Variants in ATXN7 observed in about 807,000 individuals in gnomAD.
ATXN7 encodes the protein ataxin 7, also known as ataxin-7.
Under a neutral mutation model 70.5 loss-of-function variants are expected in ATXN7, and 12 were observed. The ratio of observed to expected loss-of-function variants is 0.17; its 90% CI spans 0.11 to 0.28. ATXN7 has a LOEUF of 0.28. Among genes scored for constraint, ATXN7 ranks in the 10% least tolerant of loss-of-function variants. ATXN7 has a pLI of 1.00. For missense variants in ATXN7, 1,256 were observed against 1,131.7 expected (o/e 1.11, Z -1.58); for synonymous variants, 498 against 448.7 (o/e 1.11, Z -1.39).
At chr3:63,863,583 G>A (rs962932204), upstream of ATXN7, 23 of 1,198,020 alleles carry the variant, frequency 1.9e-5, no homozygotes, top group African/African-American at 1.9e-4. Context: ...TCTGGCGAGA[G>A]GAGGAAGGAC....
At chr3:63,990,638 C>A (rs1575997661) in intron 10 of ATXN7, 100 bp from the exon 11 acceptor site, 1 of 1,566,770 alleles carries the variant, frequency 6.4e-7, no homozygotes, top group East Asian at 2.2e-5. Flanking sequence ...AGAGGCAGTT[C>A]TGTCTTTCCT....
intron 1 of ATXN7, among the ~76,000 whole-genome samples, chr3:63,874,166 A>C (rs527617067): frequency 1.3e-5 from 2 of 152,368 alleles, no homozygotes; most frequent in Non-Finnish European, 2.9e-5. Context: ...AAAGAAAAGC[A>C]TATAGACTCT....
At chr3:63,961,439 A>T (rs1259893808) in intron 5 of ATXN7, among the ~76,000 whole-genome samples, 2 of 152,168 alleles carry the variant, frequency 1.3e-5, no homozygotes, top group Non-Finnish European at 2.9e-5. Context: ...GTATTTTAGC[A>T]TATTGATTCT....
intron 2 of ATXN7, chr3:63,900,464 C>G (rs776005564): frequency 6.6e-6 from 1 of 152,242 alleles, no homozygotes; most frequent in Non-Finnish European, 1.5e-5. Context: ...TTAAAATGTT[C>G]TGGACTAAAG....
At chr3:63,922,700 A>G (rs971482292) in intron 4 of ATXN7, among the ~76,000 whole-genome samples, 1 of 152,148 alleles carries the variant, frequency 6.6e-6, no homozygotes, top group Admixed American at 6.5e-5. Flanking sequence ...CTGCCTGTAG[A>G]GGGAATTTAG....
chr3:63,925,328 A>T (rs547447695), intron 4 of ATXN7, among the ~76,000 whole-genome samples: 2 of 152,188 alleles, frequency 1.3e-5, no homozygotes, highest in South Asian at 4.2e-4. Flanking sequence ...TCGGCTGTGG[A>T]TCAGTACCCG....
In ATXN7 at chr3:63,990,279, C is replaced by T. The variant is rs953115088; in HGVS notation, c.1465C>T (p.Arg489Trp). The T allele has an allele frequency of 8.1e-6, 13 of 1,614,044 alleles. No individual in the cohort carries two copies. Among genetic ancestry groups the T allele is most frequent in the East Asian group, 2.2e-5 (1 of 44,876 alleles). The change falls in exon 10 of 13, where the codon CGG (arginine) becomes TGG (tryptophan). Residue 489 changes from arginine (R) to tryptophan (W), a missense_variant. Transcript: ENST00000674280. ...PPLPATEPAS[R>W]LSSEEGEGDD... ...CCTGCCTGCCACTGAGCCAGCTTCTCGGTTATCCAGTGAGGAGGGCGAAGG... is the reference window on the plus strand; with the variant it reads ...CCTGCCTGCCACTGAGCCAGCTTCTTGGTTATCCAGTGAGGAGGGCGAAGG...
intron 2 of ATXN7, among the ~76,000 whole-genome samples, chr3:63,899,902 C>A (rs936337221): frequency 2.0e-5 from 3 of 152,110 alleles, no homozygotes; most frequent in Non-Finnish European, 4.4e-5. Context: ...CACGCGTGAG[C>A]CACTGCGCCC....
intron 1 of ATXN7, among the ~76,000 whole-genome samples, chr3:63,882,994 A>G (rs1399164618): frequency 1.3e-5 from 2 of 152,206 alleles, no homozygotes; most frequent in East Asian, 3.9e-4. Flanking sequence ...TTTTACAGAT[A>G]AAGGTTGAGG....
intron 5 of ATXN7, among the ~76,000 whole-genome samples, chr3:63,964,507 T>C (rs2106701552): frequency 6.6e-6 from 1 of 152,332 alleles, no homozygotes; most frequent in Non-Finnish European, 1.5e-5. Context: ...GGTCACGCTG[T>C]GGTTAACTCA....
chr3:63,977,156 G>T (rs981806172), intron 5 of ATXN7, among the ~76,000 whole-genome samples: 21 of 152,274 alleles, frequency 1.4e-4, no homozygotes, highest in Middle Eastern at 3.4e-3. Context: ...TTTCAGCCAG[G>T]TATAGTTTTC....
At position 63,999,526 on chromosome 3, in the gene ATXN7, C is replaced by T. The variant is rs773364173; in HGVS notation, c.*59C>T. ...ACACTTTTGAGGACAAGTTACACCT[C>T]CACTCAGCACTCTGGACTCCACGAT... On this transcript the variant is annotated 3_prime_UTR_variant, in exon 13 of 13. Coordinates refer to ENST00000674280, the MANE Select transcript of ATXN7 (RefSeq NM_001377405.1). 2 of 1,607,654 alleles carry T rather than the reference C, an allele frequency of 1.2e-6. No homozygotes were observed. Among genetic ancestry groups the T allele is most frequent in the Admixed American group, 3.4e-5 (2 of 59,350 alleles).
At chr3:63,895,827 T>C (rs1460640128) in intron 1 of ATXN7, among the ~76,000 whole-genome samples, 3 of 152,130 alleles carry the variant, frequency 2.0e-5, no homozygotes, top group African/African-American at 7.2e-5. Context: ...TTCTTGTTTT[T>C]TCTCCTGGGG....
Position 63,885,053 on chromosome 3 carries a change from G to A in ATXN7, c.-110-13346G>A, listed in dbSNP as rs146908235. 2.0e-5 allele frequency among the ~76,000 whole-genome samples: 3 copies of A among 152,202 alleles called. No homozygotes were observed. The South Asian group carries it at 6.2e-4, about 32-fold the overall frequency. On this transcript the variant is annotated intron_variant, in intron 1 of 12. Coordinates refer to ENST00000674280, the MANE Select transcript of ATXN7 (RefSeq NM_001377405.1). ...GGAAAGAGACAGCTTCCTGACATTG[G>A]CCTGGGCAGTGACTTTTTGGATATC...
At chr3:63,958,576 A>G (rs1405563365) in intron 5 of ATXN7, among the ~76,000 whole-genome samples, 1 of 152,212 alleles carries the variant, frequency 6.6e-6, no homozygotes, top group Non-Finnish European at 1.5e-5. Context: ...CTCTCTGATT[A>G]ACTTAGACCT....
chr3:63,959,793 T>C (rs536677053), intron 5 of ATXN7, among the ~76,000 whole-genome samples: 6 of 152,326 alleles, frequency 3.9e-5, no homozygotes, highest in African/African-American at 7.2e-5. Flanking sequence ...CTTACTGATA[T>C]CTGTGCTTTT....
At chr3:63,923,408 C>T (rs1704577781) in intron 4 of ATXN7, among the ~76,000 whole-genome samples, 2 of 152,012 alleles carry the variant, frequency 1.3e-5, no homozygotes, top group Admixed American at 1.3e-4. Flanking sequence ...GCTGTGAAGT[C>T]AAAAGTAGGG....
intron 12 of ATXN7, among the ~76,000 whole-genome samples, chr3:63,996,857 C>T (rs1041031344): frequency 3.3e-5 from 5 of 152,198 alleles, no homozygotes; most frequent in African/African-American, 1.2e-4. Flanking sequence ...CCATTCGAGG[C>T]TTTAAGGAAG....
chr3:63,971,777 T>TA (rs1411702899), intron 5 of ATXN7, among the ~76,000 whole-genome samples: 3 of 152,294 alleles, frequency 2.0e-5, no homozygotes, highest in African/African-American at 7.2e-5. Flanking sequence ...CACTGAATTT[T>TA]AAAAAATATA....
Sources: gnomAD v4.1 joint callset for allele counts (sites outside exome capture counted in the v4.1 genomes callset) on GRCh38, gnomAD v4.1.1 for gene constraint, MANE v1.5 for transcripts, NCBI Gene and HGNC (gene_info 2026-07-23, HGNC 2026-07-21) for gene names.